SND1: variants seen among roughly 807,000 people sequenced by gnomAD.
SND1 encodes the protein staphylococcal nuclease and tudor domain containing 1.
A neutral mutation model predicts 121.7 loss-of-function variants in SND1; 38 were observed. That is an observed-to-expected ratio of 0.31 (90% CI 0.24 to 0.41). The LOEUF is 0.41. Among genes scored for constraint, SND1 ranks in the 10% least tolerant of loss-of-function variants. The pLI is 1.00. For missense variants in SND1, 868 were observed against 1,184.6 expected (o/e 0.73, Z 3.92); for synonymous variants, 401 against 447.4 (o/e 0.90, Z 1.31).
chr7:127,825,155 G>A (rs1798619752), intron 11 of SND1, among the ~76,000 whole-genome samples: 2 of 152,124 alleles, frequency 1.3e-5, no homozygotes, highest in Non-Finnish European at 2.9e-5. Flanking sequence ...CTGTCACCAA[G>A]GCTGGAGTGC....
chr7:128,030,798 A>C, intron 16 of SND1: 1 of 940,992 alleles, frequency 1.1e-6, no homozygotes, highest in Non-Finnish European at 1.5e-6. Flanking sequence ...GGCCGAAAAA[A>C]ATCCTGCCAA....
intron 11 of SND1, among the ~76,000 whole-genome samples, chr7:127,844,012 T>C (rs554921816): frequency 3.3e-5 from 5 of 152,360 alleles, no homozygotes; most frequent in African/African-American, 9.6e-5. Context: ...CCTGTTCTTA[T>C]TTGCCACTTG....
intron 2 of SND1, among the ~76,000 whole-genome samples, chr7:127,688,084 G>A (rs1049220048): frequency 1.3e-5 from 2 of 152,014 alleles, no homozygotes; most frequent in Non-Finnish European, 2.9e-5. Flanking sequence ...TTTTAGAGAG[G>A]GAGTTTTAAA....
intron 10 of SND1, among the ~76,000 whole-genome samples, chr7:127,793,318 T>A (rs1338064351): frequency 6.6e-6 from 1 of 152,174 alleles, no homozygotes; most frequent in Non-Finnish European, 1.5e-5. Flanking sequence ...ATCGGGCGTG[T>A]TATTTCTCTG....
intron 15 of SND1, among the ~76,000 whole-genome samples, chr7:127,946,964 A>C (rs879795556): frequency 2.7e-5 from 4 of 147,848 alleles, no homozygotes; most frequent in Admixed American, 2.0e-4. Flanking sequence ...AGAACAGAAA[A>C]TAATGTTTTT....
At chr7:127,715,149 G>GT (rs199798954) in intron 9 of SND1, among the ~76,000 whole-genome samples, 20 of 76,680 alleles carry the variant, frequency 2.6e-4, no homozygotes, top group South Asian at 7.4e-4. Flanking sequence ...TATTTTCTGG[G>GT]TTTTTTTTGG....
At chr7:127,996,381 G>A (rs971349223) in intron 16 of SND1, among the ~76,000 whole-genome samples, 2 of 152,138 alleles carry the variant, frequency 1.3e-5, no homozygotes, top group Non-Finnish European at 2.9e-5. Context: ...GCAGTTTCAA[G>A]TTTATCTCAA....
intron 5 of SND1, 120 bp downstream of exon 5, chr7:127,701,443 G>A: frequency 1.9e-6 from 2 of 1,060,646 alleles, no homozygotes; most frequent in African/African-American, 1.6e-5. Context: ...GTATCCATGG[G>A]AAATCCTTAA....
intron 16 of SND1, among the ~76,000 whole-genome samples, chr7:128,020,069 C>G (rs764079504): frequency 6.6e-6 from 1 of 152,234 alleles, no homozygotes. Flanking sequence ...ACCCTGCACT[C>G]TTGTAGAGAG....
At chr7:127,770,061 G>A (rs1797487016) in intron 10 of SND1, among the ~76,000 whole-genome samples, 1 of 152,222 alleles carries the variant, frequency 6.6e-6, no homozygotes, top group Non-Finnish European at 1.5e-5. Flanking sequence ...TAACCTTCCA[G>A]CTTTGTGCCA....
intron 10 of SND1, among the ~76,000 whole-genome samples, chr7:127,724,214 G>T (rs1038761338): frequency 1.3e-5 from 2 of 152,222 alleles, no homozygotes; most frequent in Non-Finnish European, 2.9e-5. Flanking sequence ...TTTCATTTAC[G>T]TTAAGTGCTA....
chr7:128,090,294 C>T (rs1452824731), intron 22 of SND1, among the ~76,000 whole-genome samples: 2 of 152,228 alleles, frequency 1.3e-5, no homozygotes, highest in Non-Finnish European at 2.9e-5. Flanking sequence ...AATCAGTGCG[C>T]TCGTACCTGA....
chr7:127,707,717 AC>A, intron 9 of SND1, 70 bp downstream of exon 9: 1 of 1,346,914 alleles, frequency 7.4e-7, no homozygotes, highest in South Asian at 1.2e-5. Flanking sequence ...AAGAATTTGA[AC>A]AATTAGAAAT....
At chr7:127,960,400 A>G (rs1801703898) in intron 15 of SND1, among the ~76,000 whole-genome samples, 1 of 152,202 alleles carries the variant, frequency 6.6e-6, no homozygotes, top group Non-Finnish European at 1.5e-5. Context: ...CAGCCCACAC[A>G]AAACGTACAC....
intron 15 of SND1, among the ~76,000 whole-genome samples, chr7:127,960,687 C>T (rs1182785312): frequency 1.3e-5 from 2 of 152,180 alleles, no homozygotes; most frequent in African/African-American, 4.8e-5. Context: ...CACCATGATT[C>T]CTTTGTGTTG....
intron 14 of SND1, among the ~76,000 whole-genome samples, chr7:127,913,756 A>T (rs866523945): frequency 6.6e-6 from 1 of 152,224 alleles, no homozygotes; most frequent in African/African-American, 2.4e-5. Flanking sequence ...ATATTTCTGC[A>T]TAGCCCCAGA....
intron 14 of SND1, among the ~76,000 whole-genome samples, chr7:127,913,539 T>A (rs1800504956): frequency 6.6e-6 from 1 of 152,232 alleles, no homozygotes; most frequent in Non-Finnish European, 1.5e-5. Context: ...GCTCTTCGGT[T>A]GTTCTCTTTC....
In SND1 at chr7:128,029,215, C is replaced by A; in HGVS notation, c.1779+38159C>A. 1 of 1,614,116 alleles carries A rather than the reference C, an allele frequency of 6.2e-7. No individual in the cohort carries two copies. The highest frequency in any genetic ancestry group is 8.5e-7 in the Non-Finnish European group (1 of 1,180,028). On this transcript the variant is annotated intron_variant, in intron 16 of 23. Transcript: ENST00000354725. The surrounding 1 kb of genome is among the most constrained non-coding windows in gnomAD (Gnocchi z 4.2). Reference sequence around the variant, plus strand: ...TGGTAACCAGTGGACGTGGTAGGAACAGGCTTGTACTTTCGCGTTGTGTCC... The same window carrying A: ...TGGTAACCAGTGGACGTGGTAGGAAAAGGCTTGTACTTTCGCGTTGTGTCC...
At chr7:127,704,749 CTG>C in intron 7 of SND1, 88 bp from the exon 8 acceptor site, 1 of 1,053,318 alleles carries the variant, frequency 9.5e-7, no homozygotes, top group East Asian at 2.5e-5. Context: ...TAGTTTGTGA[CTG>C]TGTTAATTGT....
Sources: allele counts gnomAD v4.1 joint callset (sites outside exome capture counted in the v4.1 genomes callset), GRCh38; gene constraint gnomAD v4.1.1; non-coding constraint Gnocchi (gnomAD v3.1); transcripts MANE v1.5; gene names NCBI Gene and HGNC (gene_info 2026-07-23, HGNC 2026-07-21).